CLNS1A: variants seen among roughly 807,000 people sequenced by gnomAD.
The protein encoded by CLNS1A is methylosome subunit pICln.
In CLNS1A, 16 loss-of-function variants were observed where a neutral mutation model predicts 29.4. That is an observed-to-expected ratio of 0.54 (90% CI 0.37 to 0.83). The LOEUF (loss-of-function observed/expected upper bound fraction) is 0.83, where lower values mean the gene tolerates loss of function less well. Among genes scored for constraint, CLNS1A ranks in the 40% least tolerant of loss-of-function variants. CLNS1A has a pLI of 0.00. For missense variants in CLNS1A, 235 were observed against 287.4 expected, an observed-to-expected ratio of 0.82 and a Z score of 1.32; for synonymous variants, 96 against 104.8, an observed-to-expected ratio of 0.92 and a Z score of 0.51.
At chr11:77,628,543 C>T in intron 2 of CLNS1A, among the ~76,000 whole-genome samples, 1 of 152,256 alleles carries the variant, frequency 6.6e-6, no homozygotes, top group African/African-American at 2.4e-5. Context: ...AATCTTATAA[C>T]AAAAATATTT....
chr11:77,635,843 C>G (rs1202113979), intron 1 of CLNS1A, among the ~76,000 whole-genome samples: 1 of 152,210 alleles, frequency 6.6e-6, no homozygotes, highest in Non-Finnish European at 1.5e-5. Flanking sequence ...CAAAGATCTC[C>G]TTGTCAATAC....
At chr11:77,633,182 T>C (rs551746846) in intron 1 of CLNS1A, among the ~76,000 whole-genome samples, 2 of 152,188 alleles carry the variant, frequency 1.3e-5, no homozygotes, top group Admixed American at 1.3e-4. Flanking sequence ...TTAAATCCTA[T>C]TGCACATGAA....
intron 2 of CLNS1A, among the ~76,000 whole-genome samples, chr11:77,627,008 T>C (rs1959026968): frequency 6.6e-6 from 1 of 151,570 alleles, no homozygotes; most frequent in African/African-American, 2.4e-5. Context: ...ATGGTCATTT[T>C]TAAAGAGACT....
At chr11:77,629,432 C>G (rs1435222918) in intron 2 of CLNS1A, among the ~76,000 whole-genome samples, 1 of 150,136 alleles carries the variant, frequency 6.7e-6, no homozygotes, top group African/African-American at 2.5e-5. Flanking sequence ...CTCACTTTGT[C>G]GCCCAGGCTG....
At position 77,615,735 on chromosome 11, in the gene CLNS1A, G is replaced by A. The variant is rs1565122433; in HGVS notation, c.*983C>T. 6.6e-6 allele frequency: 1 copy of A among 152,132 alleles called. No homozygotes were observed. The highest frequency in any genetic ancestry group is 2.4e-5 in the African/African-American group (1 of 41,418). The allele number at this position is 152,132 out of a possible 1,614,324, so 9.4% of individuals were successfully genotyped here. On this transcript the variant is annotated 3_prime_UTR_variant, in exon 7 of 7. Transcript: ENST00000525428. ...ACAGTGCTGAAATGAACACTGGGCT[G>A]AGTGGTACCAAACATCAGTTTAGTC... is the stretch of plus-strand genomic sequence containing the variant.
At position 77,615,184 on chromosome 11, in the gene CLNS1A, TA is replaced by T. The variant is rs1312394701; in HGVS notation, c.*1533del. Reference sequence around the variant, plus strand: ...TTAAAAGGAACTCAAATGGAATTTCTAATATTAGCCTGTGAGAATGTCCTGA... The same window carrying T: ...TTAAAAGGAACTCAAATGGAATTTCTATATTAGCCTGTGAGAATGTCCTGA... On this transcript the variant is annotated 3_prime_UTR_variant, in exon 7 of 7. Coordinates refer to ENST00000525428, the MANE Select transcript of CLNS1A (RefSeq NM_001293.3). 6.6e-6 allele frequency: 1 copy of T among 152,250 alleles called. No homozygotes were observed. Among genetic ancestry groups the T allele is most frequent in the African/African-American group, 2.4e-5 (1 of 41,454 alleles). The allele number at this position is 152,250 out of a possible 1,614,324, so 9.4% of individuals were successfully genotyped here. A position where few individuals can be genotyped will look rare whatever the true frequency, so the allele number is the denominator to read the frequency against.
intron 5 of CLNS1A, among the ~76,000 whole-genome samples, chr11:77,620,547 C>T (rs1958946577): frequency 6.6e-6 from 1 of 152,180 alleles, no homozygotes. Context: ...GCCTGTAATC[C>T]CAGCACTTTG....
intron 4 of CLNS1A, among the ~76,000 whole-genome samples, chr11:77,624,549 G>A (rs1162007974): frequency 6.6e-6 from 1 of 152,202 alleles, no homozygotes; most frequent in Non-Finnish European, 1.5e-5. Flanking sequence ...GCCAGGCACA[G>A]TGGCTCACAC....
intron 5 of CLNS1A, 42 bp downstream of exon 5, chr11:77,622,458 C>T (rs200217752): frequency 1.4e-6 from 2 of 1,462,744 alleles, no homozygotes; most frequent in Non-Finnish European, 1.8e-6. Flanking sequence ...ACTTATTGCC[C>T]AAGTGCTCAT....
chr11:77,630,579 G>T (rs575794708), intron 1 of CLNS1A, among the ~76,000 whole-genome samples: 2 of 152,114 alleles, frequency 1.3e-5, no homozygotes, highest in Admixed American at 1.3e-4. Flanking sequence ...TTTATTCAAC[G>T]TCTTTAAGAG....
Position 77,637,779 on chromosome 11 carries a change from G to C in CLNS1A, c.-65C>G. On this transcript the variant is annotated 5_prime_UTR_variant, in exon 1 of 7. Transcript: ENST00000525428. The stretch of plus-strand genomic sequence containing the variant: ...AGCACAGCAATGCGTGCACCACACC[G>C]CCCGCCCTGGAAGAGGCAGTCACCC... The C allele has an allele frequency of 6.8e-7, 1 of 1,480,268 alleles. No individual in the cohort carries two copies. Among genetic ancestry groups the C allele is most frequent in the South Asian group, 1.3e-5 (1 of 74,926 alleles). The allele number at this position is 1,480,268 out of a possible 1,614,324, so 91.7% of individuals were successfully genotyped here.
At chr11:77,636,945 C>T (rs942235126) in intron 1 of CLNS1A, among the ~76,000 whole-genome samples, 1 of 152,038 alleles carries the variant, frequency 6.6e-6, no homozygotes, top group Non-Finnish European at 1.5e-5. Context: ...TCCACGTGGC[C>T]AAATAAAAGG....
chr11:77,637,045 T>C (rs959093783), intron 1 of CLNS1A, among the ~76,000 whole-genome samples: 3 of 151,758 alleles, frequency 2.0e-5, no homozygotes, highest in East Asian at 3.9e-4. Flanking sequence ...CTCTCCTTAC[T>C]ATACCTACAG....
intron 6 of CLNS1A, chr11:77,618,600 A>G (rs1958926646): frequency 6.6e-6 from 1 of 152,262 alleles, no homozygotes; most frequent in Non-Finnish European, 1.5e-5. Flanking sequence ...CCAGTATCAC[A>G]ATTCATGGTC....
At position 77,625,584 on chromosome 11, in the gene CLNS1A, A is replaced by G. The variant is rs1418676425; in HGVS notation, c.364+133T>C. 5.5e-6 allele frequency: 4 copies of G among 730,622 alleles called. No homozygotes were observed. The East Asian group carries it at 1.1e-4, about 20-fold the overall frequency. 45.3% of individuals were successfully genotyped at this position (730,622 alleles called of 1,614,324 possible). ...CCTTAATGATATTACCAATGCTAAA[A>G]TAAAGAAAAAGCAATAGAATGGAGG... On this transcript the variant is annotated intron_variant, in intron 3 of 6. Transcript: ENST00000525428.
At chr11:77,634,628 G>A (rs1217518699) in intron 1 of CLNS1A, among the ~76,000 whole-genome samples, 2 of 150,966 alleles carry the variant, frequency 1.3e-5, no homozygotes, top group Admixed American at 6.7e-5. Context: ...GGAGGCTGAG[G>A]CAGGAGAATC....
intron 2 of CLNS1A, among the ~76,000 whole-genome samples, chr11:77,628,138 T>C (rs1233805212): frequency 6.6e-6 from 1 of 152,212 alleles, no homozygotes. Context: ...GACAGAGTTT[T>C]CTTATTCAAT....
At position 77,615,126 on chromosome 11, in the gene CLNS1A, TC is replaced by T. The variant is rs1320356221; in HGVS notation, c.*1591del. Reference sequence around the variant, plus strand: ...ATTTTGCTATCAGAGCAATTTATGTTCATGGAAAGTCACAATTATAAATTTG... The same window carrying T: ...ATTTTGCTATCAGAGCAATTTATGTTATGGAAAGTCACAATTATAAATTTG... On this transcript the variant is annotated 3_prime_UTR_variant, in exon 7 of 7. Coordinates refer to ENST00000525428, the MANE Select transcript of CLNS1A (RefSeq NM_001293.3). The T allele has an allele frequency of 6.6e-6, 1 of 152,230 alleles. No homozygotes were observed. Among genetic ancestry groups the T allele is most frequent in the Non-Finnish European group, 1.5e-5 (1 of 68,050 alleles). 9.4% of individuals were successfully genotyped at this position (152,230 alleles called of 1,614,324 possible).
chr11:77,625,143 T>C (rs1254968282), intron 3 of CLNS1A, 73 bp from the exon 4 acceptor site: 2 of 1,048,696 alleles, frequency 1.9e-6, no homozygotes, highest in Middle Eastern at 2.0e-4. Context: ...ATAAATTTAA[T>C]GGGTACACAA....
Sources: allele counts gnomAD v4.1 joint callset (sites outside exome capture counted in the v4.1 genomes callset), GRCh38; gene constraint gnomAD v4.1.1; transcripts MANE v1.5; gene names NCBI Gene and HGNC (gene_info 2026-07-23, HGNC 2026-07-21).